The following AFAP1 variants were observed in gnomAD, a reference collection of about 807,000 sequenced individuals.
AFAP1 encodes the protein actin filament associated protein 1.
In AFAP1, 75 loss-of-function variants were observed where a neutral mutation model predicts 93.9. That is an observed-to-expected ratio of 0.80 (90% confidence interval 0.66 to 0.97). The LOEUF (loss-of-function observed/expected upper bound fraction) is 0.97. Ranked by LOEUF, AFAP1 falls within the 50% of genes least tolerant of loss-of-function variation. The pLI, the probability that AFAP1 is intolerant of heterozygous loss-of-function variation, is 0.00. For synonymous variants in AFAP1, 517 were observed against 430.7 expected, an observed-to-expected ratio of 1.20 and a Z score of -2.48; for missense variants, 1,201 against 1,050.8, an observed-to-expected ratio of 1.14 and a Z score of -1.98.
chr4:7,857,714 C>G (rs907989513), intron 3 of AFAP1, among the ~76,000 whole-genome samples: 3 of 152,130 alleles, frequency 2.0e-5, no homozygotes, highest in African/African-American at 7.2e-5. Flanking sequence ...ATTCCTGAAA[C>G]GCAGGGTATT....
At position 7,933,130 on chromosome 4, in the gene AFAP1, T is replaced by A. The variant is rs541730545; in HGVS notation, c.-3+6526A>T. 2.0e-5 allele frequency among the ~76,000 whole-genome samples: 3 copies of A among 150,630 alleles called. No homozygotes were observed. In the East Asian group the frequency reaches 5.9e-4, roughly 30 times the overall value. ...TTGAAAACCACCTCCCAGGCTGCTG[T>A]AGTAAGTGGATTGGTAACCGCGGTG... On this transcript the variant is annotated intron_variant, in intron 1 of 17. Coordinates refer to ENST00000420658, the MANE Select transcript of AFAP1 (RefSeq NM_001134647.2).
At chr4:7,818,829 G>A (rs1004792488) in intron 7 of AFAP1, among the ~76,000 whole-genome samples, 3 of 152,226 alleles carry the variant, frequency 2.0e-5, no homozygotes, top group Non-Finnish European at 2.9e-5. Context: ...CCTTGAACAA[G>A]GCCCTCACAC....
intron 1 of AFAP1, among the ~76,000 whole-genome samples, chr4:7,930,773 CAG>C (rs1451830496): frequency 1.3e-5 from 2 of 152,186 alleles, no homozygotes; most frequent in East Asian, 3.9e-4. Context: ...TTTTTTGAGA[CAG>C]AGTCTACCTC....
chr4:7,924,409 G>A (rs908265083), intron 1 of AFAP1, among the ~76,000 whole-genome samples: 1 of 152,208 alleles, frequency 6.6e-6, no homozygotes, highest in Admixed American at 6.5e-5. Context: ...ACTGGTGGAC[G>A]ATGAGCCAGC....
intron 1 of AFAP1, among the ~76,000 whole-genome samples, chr4:7,920,106 G>A (rs2385898): frequency 0.56 from 85,718 of 152,000 alleles, 26,705 homozygotes; most frequent in East Asian, 0.83. Context: ...GAACATACGC[G>A]TACATGTATC....
intron 6 of AFAP1, among the ~76,000 whole-genome samples, chr4:7,832,134 G>C (rs1019589845): frequency 3.9e-5 from 6 of 152,168 alleles, no homozygotes; most frequent in Non-Finnish European, 5.9e-5. Flanking sequence ...TGAGTGTAAA[G>C]GGCTTTAGTG....
intron 1 of AFAP1, among the ~76,000 whole-genome samples, chr4:7,904,244 G>A (rs545959228): frequency 1.6e-4 from 25 of 152,166 alleles, no homozygotes; most frequent in Middle Eastern, 3.4e-3. Flanking sequence ...CAGAGTGCAC[G>A]GGGCCGACTG....
chr4:7,852,694 T>C (rs56258008), intron 4 of AFAP1, among the ~76,000 whole-genome samples: 3,737 of 152,024 alleles, frequency 0.025, 173 homozygotes, highest in African/African-American at 0.085. Context: ...GGGCAGTAGA[T>C]GGAGGTGGTA....
At chr4:7,804,066 C>A (rs1398856029) in intron 9 of AFAP1, among the ~76,000 whole-genome samples, 1 of 152,164 alleles carries the variant, frequency 6.6e-6, no homozygotes, top group African/African-American at 2.4e-5. Context: ...TCTAAGGAGT[C>A]TAGAGTCAGG....
chr4:7,862,456 C>A (rs1715844313), intron 3 of AFAP1: 1 of 148,612 alleles, frequency 6.7e-6, no homozygotes, highest in Admixed American at 7.0e-5. Flanking sequence ...TTAAGGGGGA[C>A]AGAGTTTCCA....
intron 16 of AFAP1, 103 bp from the exon 17 acceptor site, chr4:7,769,111 T>G: frequency 7.0e-7 from 1 of 1,428,016 alleles, no homozygotes. Context: ...GTTTTGGAAA[T>G]GGGCAAAAAT....
intron 1 of AFAP1, among the ~76,000 whole-genome samples, chr4:7,891,176 G>A (rs973579407): frequency 4.6e-5 from 7 of 152,038 alleles, no homozygotes; most frequent in African/African-American, 1.7e-4. Flanking sequence ...AAGCCCAAAA[G>A]GCATGCTATC....
intron 12 of AFAP1, among the ~76,000 whole-genome samples, chr4:7,785,102 T>C (rs1417484698): frequency 6.6e-6 from 1 of 152,160 alleles, no homozygotes; most frequent in Admixed American, 6.5e-5. Flanking sequence ...GCCTCCTTCA[T>C]TCATCTGCTA....
intron 14 of AFAP1, chr4:7,777,010 T>TA: frequency 6.6e-6 from 1 of 152,224 alleles, no homozygotes. Flanking sequence ...CCACAGTTAA[T>TA]AAAAACTCCC....
chr4:7,819,255 C>T, intron 6 of AFAP1, 84 bp from the exon 7 acceptor site: 1 of 1,246,160 alleles, frequency 8.0e-7, no homozygotes, highest in Non-Finnish European at 1.1e-6. Flanking sequence ...CAGACAGAGG[C>T]ACATGGCGTG....
intron 6 of AFAP1, among the ~76,000 whole-genome samples, chr4:7,834,201 T>C (rs192240614): frequency 1.1e-4 from 17 of 151,642 alleles, no homozygotes; most frequent in East Asian, 5.8e-4. Context: ...CTGGATGAGA[T>C]TGGAGACTAT....
Position 7,768,876 on chromosome 4 carries a change from G to C in AFAP1, c.2386C>G (p.Pro796Ala). 6.2e-7 allele frequency: 1 copy of C among 1,607,612 alleles called. No homozygotes were observed. The highest frequency in any genetic ancestry group is 1.1e-5 in the South Asian group (1 of 90,788). The change falls in exon 17 of 18, where the codon CCC becomes GCC. Residue 796 changes from proline to alanine, a missense_variant. Pro to Ala is a conservative substitution (Grantham distance 27). Transcript: ENST00000420658. ...TTCCGCAGCACATGCCCTCGGCAGG[G>C]GGAGCTGCCCGGGGCAGCCTGGCTC... Reference protein sequence around the residue: ...KKSQAAPGSSPCRGHVLRKAK... With the variant: ...KKSQAAPGSSACRGHVLRKAK...
chr4:7,812,794 GTAT>G (rs1720164248), intron 8 of AFAP1, among the ~76,000 whole-genome samples: 1 of 152,308 alleles, frequency 6.6e-6, no homozygotes, highest in Non-Finnish European at 1.5e-5. Flanking sequence ...GTGCTTTTTA[GTAT>G]TATTATTTAG....
chr4:7,770,237 G>C (rs936693243), intron 16 of AFAP1, among the ~76,000 whole-genome samples: 1 of 152,230 alleles, frequency 6.6e-6, no homozygotes, highest in Non-Finnish European at 1.5e-5. Flanking sequence ...AGCGAGGCGG[G>C]GGGTGGCAAG....
Sources: allele counts gnomAD v4.1 joint callset (sites outside exome capture counted in the v4.1 genomes callset), GRCh38; gene constraint gnomAD v4.1.1; transcripts MANE v1.5; gene names NCBI Gene and HGNC (gene_info 2026-07-23, HGNC 2026-07-21).